Variants in SULF2 observed in about 807,000 individuals in gnomAD.
SULF2 encodes sulfatase 2.
Under a neutral mutation model 107.7 loss-of-function variants are expected in SULF2, and 52 were observed. That is an observed-to-expected ratio of 0.48 (90% CI 0.39 to 0.61). The LOEUF (loss-of-function observed/expected upper bound fraction) is 0.61, where lower values mean the gene tolerates loss of function less well. Ranked by LOEUF, SULF2 falls within the 20% of genes least tolerant of loss-of-function variation. The pLI, the probability that SULF2 is intolerant of heterozygous loss-of-function variation, is 0.00. For synonymous variants in SULF2, 460 were observed against 464.3 expected (o/e 0.99, Z 0.12); for missense variants, 993 against 1,177.3 (o/e 0.84, Z 2.29).
chr20:47,759,010 C>T (rs1286648460), intron 1 of SULF2, among the ~76,000 whole-genome samples: 1 of 152,182 alleles, frequency 6.6e-6, no homozygotes, highest in Non-Finnish European at 1.5e-5. Flanking sequence ...TCTCCCGCCT[C>T]CCTCTTCCCT....
chr20:47,722,924 G>A (rs1401049439), intron 3 of SULF2, among the ~76,000 whole-genome samples: 3 of 152,106 alleles, frequency 2.0e-5, no homozygotes, highest in Non-Finnish European at 2.9e-5. Context: ...AAAATTAGCC[G>A]GTTGTGGTGG....
intron 13 of SULF2, 39 bp downstream of exon 13, chr20:47,665,818 G>A (rs767099327): frequency 1.3e-6 from 2 of 1,570,300 alleles, no homozygotes; most frequent in Non-Finnish European, 1.8e-6. Context: ...CCAGGCCCGT[G>A]GTGGCCGAGA....
chr20:47,665,385 T>C lies in SULF2; in HGVS notation c.1903-92A>G, dbSNP rs1188877796. The C allele has an allele frequency of 3.4e-6, 3 of 879,176 alleles. No homozygotes were observed. The African/African-American group carries it at 5.0e-5, about 15-fold the overall frequency. The allele number at this position is 879,176 out of a possible 1,614,324, so 54.5% of individuals were successfully genotyped here. Reference sequence around the variant, plus strand: ...GACTGCCCCCACGCTGCCGTGTCTGTGCTCAGCAGCGGCAGCCTGCACTCC... The same window carrying C: ...GACTGCCCCCACGCTGCCGTGTCTGCGCTCAGCAGCGGCAGCCTGCACTCC... On this transcript the variant is annotated intron_variant, in intron 13 of 20. Transcript: ENST00000688720.
intron 3 of SULF2, among the ~76,000 whole-genome samples, chr20:47,727,053 C>A (rs1330151832): frequency 3.1e-5 from 2 of 65,566 alleles, no homozygotes; most frequent in African/African-American, 6.8e-5. Context: ...GCTCTGCAGC[C>A]TTTATGGGGG....
chr20:47,670,435 G>T (rs59364615), intron 11 of SULF2, among the ~76,000 whole-genome samples: 1 of 151,208 alleles, frequency 6.6e-6, no homozygotes, highest in Non-Finnish European at 1.5e-5. Flanking sequence ...CAGGCAATCC[G>T]CCTGCCTTGG....
intron 1 of SULF2, among the ~76,000 whole-genome samples, chr20:47,773,714 T>C (rs2146976208): frequency 6.6e-6 from 1 of 152,336 alleles, no homozygotes; most frequent in Non-Finnish European, 1.5e-5. Flanking sequence ...CCAAAAGCAA[T>C]AAAGTCCGAC....
chr20:47,712,483 T>C lies in SULF2; in HGVS notation c.416-9813A>G, dbSNP rs1016148570. Among the ~76,000 whole-genome samples the C allele has an allele frequency of 2.0e-5, 3 of 152,348 alleles. 1 individual carries two copies. Among genetic ancestry groups the C allele is most frequent in the Middle Eastern group, 6.8e-3 (2 of 294 alleles). ...GCACTCTCTGAAATTATCCTATAGA[T>C]GCATTTGTTTTCTTGTTTATCCTCA... On this transcript the variant is annotated intron_variant, in intron 3 of 20. Transcript: ENST00000688720.
chr20:47,676,221 C>T (rs542847512), intron 10 of SULF2, among the ~76,000 whole-genome samples: 17 of 152,324 alleles, frequency 1.1e-4, no homozygotes, highest in African/African-American at 3.6e-4. Flanking sequence ...CAAGAGAGAT[C>T]GGCAAGGGCT....
intron 3 of SULF2, among the ~76,000 whole-genome samples, chr20:47,712,848 A>G (rs1380706562): frequency 6.6e-6 from 1 of 152,170 alleles, no homozygotes; most frequent in African/African-American, 2.4e-5. Context: ...AGCCTGGGCA[A>G]CACGGAGAAG....
At chr20:47,669,899 G>A in intron 11 of SULF2, among the ~76,000 whole-genome samples, 1 of 152,148 alleles carries the variant, frequency 6.6e-6, no homozygotes, top group South Asian at 2.1e-4. Context: ...GCCACATATT[G>A]AAGCAAGGAG....
intron 3 of SULF2, among the ~76,000 whole-genome samples, chr20:47,716,075 G>A (rs780186468): frequency 3.9e-5 from 6 of 152,312 alleles, no homozygotes; most frequent in Non-Finnish European, 2.9e-5. Context: ...CTCAAGGTCA[G>A]TGTAAGGCAA....
intron 3 of SULF2, among the ~76,000 whole-genome samples, chr20:47,728,937 C>T (rs950381674): frequency 9.2e-5 from 14 of 152,222 alleles, no homozygotes; most frequent in Non-Finnish European, 1.3e-4. Flanking sequence ...TGAGCCACCA[C>T]GCCCAGCCTG....
At chr20:47,734,952 T>C (rs1219851083) in intron 3 of SULF2, among the ~76,000 whole-genome samples, 1 of 152,230 alleles carries the variant, frequency 6.6e-6, no homozygotes, top group Non-Finnish European at 1.5e-5. Context: ...TGATTGATTT[T>C]CTCATGTCGC....
At chr20:47,683,605 C>G (rs553487922) in intron 6 of SULF2, among the ~76,000 whole-genome samples, 1 of 152,344 alleles carries the variant, frequency 6.6e-6, no homozygotes, top group East Asian at 1.9e-4. Context: ...TGTGGCAGAA[C>G]TTTCTGCATT....
chr20:47,741,587 C>T (rs983485009), intron 2 of SULF2, among the ~76,000 whole-genome samples: 1 of 152,224 alleles, frequency 6.6e-6, no homozygotes, highest in Non-Finnish European at 1.5e-5. Flanking sequence ...CTCCACAGCT[C>T]AGCCTAGAAC....
chr20:47,717,522 T>C (rs2146678701), intron 3 of SULF2, among the ~76,000 whole-genome samples: 1 of 152,196 alleles, frequency 6.6e-6, no homozygotes, highest in Admixed American at 6.5e-5. Flanking sequence ...TGGCTAAAGG[T>C]GGGGACACAC....
At chr20:47,728,077 G>C (rs915598893) in intron 3 of SULF2, among the ~76,000 whole-genome samples, 4 of 152,144 alleles carry the variant, frequency 2.6e-5, no homozygotes, top group African/African-American at 9.7e-5. Flanking sequence ...AGAGAGACAG[G>C]AAGGCTACCT....
intron 2 of SULF2, among the ~76,000 whole-genome samples, chr20:47,752,620 G>A (rs2090183187): frequency 6.6e-6 from 1 of 151,658 alleles, no homozygotes; most frequent in Non-Finnish European, 1.5e-5. Flanking sequence ...GTGTGATGGT[G>A]CGCACCTGTA....
chr20:47,764,978 A>G (rs1309933186), intron 1 of SULF2, among the ~76,000 whole-genome samples: 2 of 152,172 alleles, frequency 1.3e-5, no homozygotes, highest in Non-Finnish European at 2.9e-5. Context: ...GAACCTGCCC[A>G]GTGTCGTGCA....
Sources: gnomAD v4.1 joint callset for allele counts (sites outside exome capture counted in the v4.1 genomes callset) on GRCh38, gnomAD v4.1.1 for gene constraint, MANE v1.5 for transcripts, NCBI Gene and HGNC (gene_info 2026-07-23, HGNC 2026-07-21) for gene names.